The following SLC25A21 variants were observed in gnomAD, a reference collection of about 807,000 sequenced individuals.
The protein encoded by SLC25A21 is mitochondrial 2-oxodicarboxylate carrier.
Under a neutral mutation model 43.8 loss-of-function variants are expected in SLC25A21, and 47 were observed. The observed-to-expected ratio is 1.07, with a 90% CI of 0.85 to 1.37. The LOEUF (loss-of-function observed/expected upper bound fraction) is 1.37, where lower values mean the gene tolerates loss of function less well. Ranked by LOEUF, SLC25A21 falls within the 40% of genes most tolerant of loss-of-function variation. SLC25A21 has a pLI of 0.00. For synonymous variants in SLC25A21, 131 were observed against 121.3 expected (o/e 1.08, Z -0.52); for missense variants, 352 against 350.2 (o/e 1.00, Z -0.04).
At chr14:36,846,463 C>T (rs1382161695) in intron 2 of SLC25A21, among the ~76,000 whole-genome samples, 3 of 152,098 alleles carry the variant, frequency 2.0e-5, no homozygotes, top group Non-Finnish European at 4.4e-5. Flanking sequence ...CTCACTGCAA[C>T]CTCCACCTCC....
Position 36,719,770 on chromosome 14 carries a change from C to G in SLC25A21, c.438+5800G>C, listed in dbSNP as rs74044946. 5.2e-3 allele frequency among the ~76,000 whole-genome samples: 785 copies of G among 152,244 alleles called. 9 individuals are homozygous for G. Among genetic ancestry groups the G allele is most frequent in the African/African-American group, 0.018 (748 of 41,516 alleles). On this transcript the variant is annotated intron_variant, in intron 6 of 9. Coordinates refer to ENST00000331299, the MANE Select transcript of SLC25A21 (RefSeq NM_030631.4). ...AACTAAATTCACCACATTTTAAATT[C>G]ACATTTTTTAAAAACAGTTTATGGC... is the stretch of plus-strand genomic sequence containing the variant.
rs139508705 is a variant in SLC25A21 at position 36,702,511 on chromosome 14, G to GA, written c.603+8806dup. Among the ~76,000 whole-genome samples, 3,466 of 132,224 alleles carry GA rather than the reference G, an allele frequency of 0.026. 241 individuals carry two copies. In the East Asian group the frequency reaches 0.29, roughly 11 times the overall value. The allele number at this position is 132,224 out of a possible 152,430, so 86.7% of individuals were successfully genotyped here. A position where few individuals can be genotyped will look rare whatever the true frequency, so the allele number is the denominator to read the frequency against. On this transcript the variant is annotated intron_variant, in intron 7 of 9. Coordinates refer to ENST00000331299, the MANE Select transcript of SLC25A21 (RefSeq NM_030631.4). ...AAAAAAAAAAAGAAAGAAAGAAAAAGAAAAAAAAAGAAAACGGACTTCCCT... is the reference window on the plus strand; with the variant it reads ...AAAAAAAAAAAGAAAGAAAGAAAAAGAAAAAAAAAAGAAAACGGACTTCCCT...
chr14:36,819,623 A>G (rs1594616337), intron 2 of SLC25A21, among the ~76,000 whole-genome samples: 1 of 152,156 alleles, frequency 6.6e-6, no homozygotes, highest in Admixed American at 6.5e-5. Context: ...AAATTATAAA[A>G]TCTCAAATTT....
chr14:36,927,400 T>C (rs1285414178), intron 1 of SLC25A21, among the ~76,000 whole-genome samples: 4 of 152,188 alleles, frequency 2.6e-5, no homozygotes, highest in African/African-American at 9.6e-5. Flanking sequence ...CTGAACCTAT[T>C]CTTTATCACT....
At chr14:36,969,892 C>T (rs2138684905) in intron 1 of SLC25A21, among the ~76,000 whole-genome samples, 1 of 152,084 alleles carries the variant, frequency 6.6e-6, no homozygotes, top group South Asian at 2.1e-4. Flanking sequence ...GTCCTGCTCT[C>T]CCAGGTAAAA....
In SLC25A21 at chr14:36,733,486, T is replaced by C. The variant is rs1386098996; in HGVS notation, c.270+1021A>G. Among the ~76,000 whole-genome samples, 5 of 152,342 alleles carry C rather than the reference T, an allele frequency of 3.3e-5. No individual in the cohort carries two copies. The East Asian group carries it at 9.6e-4, about 29-fold the overall frequency. ...CAAATTCTAGACTTGAATTCAATCC[T>C]ATTAAATTGCCACTTTGACATCATA... On this transcript the variant is annotated intron_variant, in intron 4 of 9. Coordinates refer to ENST00000331299, the MANE Select transcript of SLC25A21 (RefSeq NM_030631.4).
At chr14:37,089,360 CAGAT>C (rs1456077739) in intron 1 of SLC25A21, among the ~76,000 whole-genome samples, 1 of 152,124 alleles carries the variant, frequency 6.6e-6, no homozygotes, top group Non-Finnish European at 1.5e-5. Flanking sequence ...TGGAGCAACT[CAGAT>C]AGGAAGTTAC....
intron 3 of SLC25A21, among the ~76,000 whole-genome samples, chr14:36,751,135 G>C (rs879421332): frequency 2.6e-5 from 4 of 152,182 alleles, no homozygotes; most frequent in Non-Finnish European, 5.9e-5. Flanking sequence ...TCTCAAAAGA[G>C]ATTAATATTT....
chr14:37,040,433 A>AAGAAAGAAAGAAAGAAAGAAAGAG (rs1555343498), intron 1 of SLC25A21, among the ~76,000 whole-genome samples: 2 of 104,258 alleles, frequency 1.9e-5, no homozygotes, highest in Non-Finnish European at 3.5e-5. Context: ...GAAAGAAAGA[A>AAGAAAGAAAGAAAGAAAGAAAGAG]AGAAAGAAAA....
At chr14:36,870,060 T>C (rs183892472) in intron 2 of SLC25A21, among the ~76,000 whole-genome samples, 2 of 152,256 alleles carry the variant, frequency 1.3e-5, no homozygotes, top group Admixed American at 1.3e-4. Context: ...TCCAGAAAAA[T>C]AATCCTTGAG....
intron 1 of SLC25A21, among the ~76,000 whole-genome samples, chr14:37,148,943 T>C (rs1201868927): frequency 6.6e-6 from 1 of 152,194 alleles, no homozygotes; most frequent in Non-Finnish European, 1.5e-5. Context: ...ATGACGGCTA[T>C]TTAAATATCC....
At chr14:37,144,477 C>A (rs1372923302) in intron 1 of SLC25A21, among the ~76,000 whole-genome samples, 2 of 152,112 alleles carry the variant, frequency 1.3e-5, no homozygotes, top group Non-Finnish European at 2.9e-5. Context: ...TAGTTAAGAA[C>A]CACTCCTGTG....
intron 7 of SLC25A21, among the ~76,000 whole-genome samples, chr14:36,702,228 T>A (rs1053410900): frequency 1.3e-5 from 2 of 151,442 alleles, no homozygotes; most frequent in Non-Finnish European, 2.9e-5. Flanking sequence ...GGTCCCTGAG[T>A]TTCTTTCTGC....
chr14:36,964,320 A>C (rs1029030434), intron 1 of SLC25A21, among the ~76,000 whole-genome samples: 1 of 152,164 alleles, frequency 6.6e-6, no homozygotes, highest in Non-Finnish European at 1.5e-5. Context: ...TTTTGTATAG[A>C]CTCAACAAAG....
At chr14:36,874,869 G>C (rs751610727) in intron 2 of SLC25A21, 87 bp downstream of exon 2, 14 of 1,073,088 alleles carry the variant, frequency 1.3e-5, no homozygotes, top group Non-Finnish European at 1.9e-5. Flanking sequence ...CTACCGGCCT[G>C]GGACAAGTCC....
chr14:36,715,016 T>C (rs962668150), intron 6 of SLC25A21, among the ~76,000 whole-genome samples: 1 of 152,298 alleles, frequency 6.6e-6, no homozygotes, highest in African/African-American at 2.4e-5. Context: ...ATGCCTAAGA[T>C]AAAATGCTGC....
At chr14:36,767,951 A>G (rs2138349978) in intron 3 of SLC25A21, among the ~76,000 whole-genome samples, 1 of 152,268 alleles carries the variant, frequency 6.6e-6, no homozygotes, top group African/African-American at 2.4e-5. Flanking sequence ...CCCTGCAAAT[A>G]TTGCTGTGAT....
At chr14:36,948,694 C>T (rs961559090) in intron 1 of SLC25A21, among the ~76,000 whole-genome samples, 3 of 152,012 alleles carry the variant, frequency 2.0e-5, no homozygotes, top group African/African-American at 7.3e-5. Context: ...GGCAATTGTG[C>T]ACTTGAAATA....
chr14:36,687,248 C>T (rs968248018), intron 7 of SLC25A21, among the ~76,000 whole-genome samples: 20 of 152,270 alleles, frequency 1.3e-4, no homozygotes, highest in Admixed American at 8.5e-4. Flanking sequence ...CCACCGTGCC[C>T]GGCCCACCTT....
Sources: gnomAD v4.1 joint callset for allele counts (sites outside exome capture counted in the v4.1 genomes callset) on GRCh38, gnomAD v4.1.1 for gene constraint, MANE v1.5 for transcripts, NCBI Gene and HGNC (gene_info 2026-07-23, HGNC 2026-07-21) for gene names.